ATP8A1: variants seen among roughly 807,000 people sequenced by gnomAD.
The protein encoded by ATP8A1 is phospholipid-transporting ATPase IA.
In ATP8A1, 90 loss-of-function variants were observed where a neutral mutation model predicts 177.7. The observed-to-expected ratio is 0.51, with a 90% confidence interval of 0.43 to 0.60. The LOEUF is 0.60. Ranked by LOEUF, ATP8A1 falls within the 20% of genes least tolerant of loss-of-function variation. The pLI is 0.00. For synonymous variants in ATP8A1, 493 were observed against 485.9 expected, an observed-to-expected ratio of 1.01 and a Z score of -0.19; for missense variants, 1,072 against 1,392.8, an observed-to-expected ratio of 0.77 and a Z score of 3.67.
At chr4:42,472,342 G>T in intron 25 of ATP8A1, 1 of 425,814 alleles carries the variant, frequency 2.3e-6, no homozygotes, top group Non-Finnish European at 4.6e-6. Context: ...GCTCACAGGC[G>T]AGGATGTTAA....
At chr4:42,413,106 CA>C in intron 36 of ATP8A1, 93 bp from the exon 37 acceptor site, 1 of 926,134 alleles carries the variant, frequency 1.1e-6, no homozygotes, top group Non-Finnish European at 1.7e-6. Flanking sequence ...GCCTGGGGAA[CA>C]AATGCAGCCT....
At chr4:42,626,733 A>T (rs1387483488) in intron 2 of ATP8A1, 1 of 474,508 alleles carries the variant, frequency 2.1e-6, no homozygotes. Context: ...AGGCATTTAC[A>T]CATAAGCAGC....
chr4:42,649,992 G>A (rs977777938), intron 1 of ATP8A1, among the ~76,000 whole-genome samples: 3 of 152,120 alleles, frequency 2.0e-5, no homozygotes, highest in African/African-American at 7.2e-5. Flanking sequence ...CTTTCGCTAA[G>A]AAGTAAAGAA....
At chr4:42,628,662 C>T (rs1011631143) in intron 1 of ATP8A1, among the ~76,000 whole-genome samples, 11 of 151,204 alleles carry the variant, frequency 7.3e-5, no homozygotes, top group African/African-American at 2.7e-4. Context: ...TAAACACATA[C>T]TTTTCCCTCT....
intron 1 of ATP8A1, among the ~76,000 whole-genome samples, chr4:42,646,187 A>G (rs1740512524): frequency 6.6e-6 from 1 of 152,204 alleles, no homozygotes; most frequent in African/African-American, 2.4e-5. Context: ...CGTGGCATCA[A>G]AACGGCTCAC....
intron 25 of ATP8A1, among the ~76,000 whole-genome samples, chr4:42,477,489 T>C (rs1309380923): frequency 6.6e-6 from 1 of 152,124 alleles, no homozygotes; most frequent in Non-Finnish European, 1.5e-5. Flanking sequence ...CCCATCCCCC[T>C]CTCTTTCTCT....
chr4:42,608,368 T>G (rs551815123), intron 5 of ATP8A1, among the ~76,000 whole-genome samples: 56 of 151,846 alleles, frequency 3.7e-4, no homozygotes, highest in African/African-American at 1.4e-3. Flanking sequence ...ATATCATTTT[T>G]TTTTTTTTGG....
chr4:42,413,712 T>C (rs1024484223), intron 36 of ATP8A1, among the ~76,000 whole-genome samples: 1 of 151,922 alleles, frequency 6.6e-6, no homozygotes, highest in African/African-American at 2.4e-5. Context: ...ATTTTGTGAA[T>C]TTTTTTTTCC....
At chr4:42,639,706 G>C (rs1335471309) in intron 1 of ATP8A1, among the ~76,000 whole-genome samples, 1 of 152,140 alleles carries the variant, frequency 6.6e-6, no homozygotes, top group East Asian at 1.9e-4. Context: ...ATAGTTAAGT[G>C]AACTGTTACT....
intron 25 of ATP8A1, among the ~76,000 whole-genome samples, chr4:42,472,745 CT>C (rs1451529610): frequency 6.2e-5 from 4 of 64,174 alleles, no homozygotes; most frequent in African/African-American, 1.3e-4. Context: ...GCGAGACTGT[CT>C]CAAAAAAAAA....
At chr4:42,553,791 T>C (rs917717589) in intron 16 of ATP8A1, among the ~76,000 whole-genome samples, 4 of 152,166 alleles carry the variant, frequency 2.6e-5, no homozygotes, top group African/African-American at 7.2e-5. Flanking sequence ...TGTTTACTTA[T>C]AGCAAGACAA....
intron 1 of ATP8A1, among the ~76,000 whole-genome samples, chr4:42,636,123 C>CAG (rs1351206485): frequency 5.3e-5 from 2 of 37,392 alleles, no homozygotes; most frequent in Non-Finnish European, 1.2e-4. Context: ...GCTTAATACA[C>CAG]ACACACACAC....
intron 1 of ATP8A1, among the ~76,000 whole-genome samples, chr4:42,631,022 T>C (rs1240334713): frequency 3.9e-5 from 6 of 152,222 alleles, no homozygotes; most frequent in Non-Finnish European, 7.3e-5. Flanking sequence ...ATGTAATAGA[T>C]ATTGTAAATG....
At chr4:42,627,491 G>T (rs1317440189) in intron 1 of ATP8A1, among the ~76,000 whole-genome samples, 1 of 152,190 alleles carries the variant, frequency 6.6e-6, no homozygotes, top group Admixed American at 6.5e-5. Flanking sequence ...AAAAATTAAA[G>T]CATATGCATT....
At chr4:42,635,721 GAATA>G (rs1238736118) in intron 1 of ATP8A1, among the ~76,000 whole-genome samples, 2 of 128,484 alleles carry the variant, frequency 1.6e-5, no homozygotes, top group Non-Finnish European at 3.3e-5. Flanking sequence ...AGAAGCTTAA[GAATA>G]TATACATACA....
At chr4:42,504,831 GGCCCCGTC>G (rs1724204676) in intron 23 of ATP8A1, among the ~76,000 whole-genome samples, 1 of 152,220 alleles carries the variant, frequency 6.6e-6, no homozygotes, top group Non-Finnish European at 1.5e-5. Flanking sequence ...TGGCCTGGGA[GGCCCCGTC>G]CACCCTGGAC....
chr4:42,545,201 T>C (rs1483886231), intron 19 of ATP8A1, among the ~76,000 whole-genome samples: 1 of 151,886 alleles, frequency 6.6e-6, no homozygotes, highest in Non-Finnish European at 1.5e-5. Flanking sequence ...GTTCCCTCTT[T>C]CTTTATCCAT....
At chr4:42,586,514 A>G (rs374817139) in intron 8 of ATP8A1, 38 bp from the exon 9 acceptor site, 2 of 1,598,922 alleles carry the variant, frequency 1.3e-6, no homozygotes, top group Non-Finnish European at 8.6e-7. Context: ...AGTATATTAA[A>G]TAAGTTGTAT....
chr4:42,495,814 G>A (rs895733419), intron 24 of ATP8A1, among the ~76,000 whole-genome samples: 8 of 152,170 alleles, frequency 5.3e-5, no homozygotes, highest in African/African-American at 1.7e-4. Context: ...CAGCTTAGAG[G>A]AAGGCGGCCC....
Sources: gnomAD v4.1 joint callset for allele counts (sites outside exome capture counted in the v4.1 genomes callset) on GRCh38, gnomAD v4.1.1 for gene constraint, MANE v1.5 for transcripts, NCBI Gene and HGNC (gene_info 2026-07-23, HGNC 2026-07-21) for gene names.